The following PPFIA2 variants were observed in gnomAD, a reference collection of about 807,000 sequenced individuals.
The protein encoded by PPFIA2 is liprin-alpha-2.
In PPFIA2, 46 loss-of-function variants were observed where a neutral mutation model predicts 175.5. The ratio of observed to expected loss-of-function variants is 0.26; its 90% CI spans 0.21 to 0.34. The LOEUF (loss-of-function observed/expected upper bound fraction) is 0.34. Among genes scored for constraint, PPFIA2 ranks in the 10% least tolerant of loss-of-function variants. The pLI, the probability that PPFIA2 is intolerant of heterozygous loss-of-function variation, is 1.00. For missense variants in PPFIA2, 1,179 were observed against 1,506.1 expected (o/e 0.78, Z 3.60); for synonymous variants, 568 against 511.4 (o/e 1.11, Z -1.49).
intron 4 of PPFIA2, among the ~76,000 whole-genome samples, chr12:81,493,428 G>A (rs1327611815): frequency 6.6e-6 from 1 of 151,918 alleles, no homozygotes; most frequent in South Asian, 2.1e-4. Context: ...ACAGGGATGG[G>A]AAACACCAGA....
intron 4 of PPFIA2, among the ~76,000 whole-genome samples, chr12:81,565,353 T>C (rs1477267603): frequency 6.6e-6 from 1 of 152,194 alleles, no homozygotes; most frequent in African/African-American, 2.4e-5. Flanking sequence ...CCGTGCTGGA[T>C]GCTTCCTGCC....
intron 16 of PPFIA2, among the ~76,000 whole-genome samples, chr12:81,356,863 G>A (rs2141055756): frequency 6.6e-6 from 1 of 152,118 alleles, no homozygotes; most frequent in Non-Finnish European, 1.5e-5. Flanking sequence ...GTAAAACAAG[G>A]TATACCTGTA....
intron 4 of PPFIA2, among the ~76,000 whole-genome samples, chr12:81,480,212 C>T (rs1252786263): frequency 6.6e-6 from 1 of 151,984 alleles, no homozygotes; most frequent in Non-Finnish European, 1.5e-5. Flanking sequence ...ACTATTGATA[C>T]TTGTGTATGC....
At chr12:81,470,871 T>C (rs756798060) in intron 4 of PPFIA2, among the ~76,000 whole-genome samples, 3 of 152,144 alleles carry the variant, frequency 2.0e-5, no homozygotes, top group Non-Finnish European at 4.4e-5. Flanking sequence ...TCTTGCACAA[T>C]TGTAATTTTA....
chr12:81,479,559 A>C (rs1451390650), intron 4 of PPFIA2, among the ~76,000 whole-genome samples: 4 of 151,964 alleles, frequency 2.6e-5, no homozygotes, highest in Non-Finnish European at 4.4e-5. Flanking sequence ...GCAGTGGCTG[A>C]TACTGGTTTT....
chr12:81,465,634 AT>A (rs1446995289), intron 4 of PPFIA2, among the ~76,000 whole-genome samples: 1 of 152,138 alleles, frequency 6.6e-6, no homozygotes, highest in Admixed American at 6.6e-5. Context: ...TTTTAAATCT[AT>A]TTTTATTTGC....
intron 3 of PPFIA2, chr12:81,687,494 G>A (rs117040513): frequency 2.0e-5 from 3 of 152,090 alleles, no homozygotes; most frequent in East Asian, 1.9e-4. Context: ...CCCTCAGACC[G>A]AAGGGAGGGT....
In PPFIA2 at chr12:81,283,004, T is replaced by C. The variant is rs1457097551; in HGVS notation, c.3018+6A>G. 5.0e-6 allele frequency: 8 copies of C among 1,611,012 alleles called. 1 individual carries two copies. Among genetic ancestry groups the C allele is most frequent in the South Asian group, 3.3e-5 (3 of 90,944 alleles). ...TTAAGGGTCTTAAAGCATATGAATC[T>C]CCTACCTGGGCCCAGCTTCCTTCCT... On this transcript the variant is annotated splice_donor_region_variant and intron_variant, in intron 26 of 32. Coordinates refer to ENST00000549396, the MANE Select transcript of PPFIA2 (RefSeq NM_003625.5).
At chr12:81,618,687 C>T (rs1305380729) in intron 4 of PPFIA2, among the ~76,000 whole-genome samples, 1 of 151,706 alleles carries the variant, frequency 6.6e-6, no homozygotes, top group Non-Finnish European at 1.5e-5. Flanking sequence ...AGCCACCACG[C>T]CCAGCTAATT....
At chr12:81,488,805 C>T (rs1006730785) in intron 4 of PPFIA2, among the ~76,000 whole-genome samples, 6 of 151,576 alleles carry the variant, frequency 4.0e-5, no homozygotes, top group Non-Finnish European at 7.4e-5. Context: ...TGTCTAGTTC[C>T]CACACGAGAA....
At chr12:81,388,596 A>G (rs1677839109) in intron 8 of PPFIA2, among the ~76,000 whole-genome samples, 1 of 152,062 alleles carries the variant, frequency 6.6e-6, no homozygotes, top group African/African-American at 2.4e-5. Flanking sequence ...GGAGGCACAT[A>G]TATTTATCAA....
intron 22 of PPFIA2, among the ~76,000 whole-genome samples, chr12:81,313,898 A>C (rs1307985915): frequency 6.6e-6 from 1 of 152,060 alleles, no homozygotes; most frequent in African/African-American, 2.4e-5. Flanking sequence ...TAGAAAACTT[A>C]CACAGTATAA....
intron 7 of PPFIA2, among the ~76,000 whole-genome samples, chr12:81,406,425 G>A (rs2042947925): frequency 6.6e-6 from 1 of 151,970 alleles, no homozygotes; most frequent in South Asian, 2.1e-4. Context: ...GCTGTCATGA[G>A]CATGTATTAA....
intron 4 of PPFIA2, among the ~76,000 whole-genome samples, chr12:81,522,128 C>G (rs958283129): frequency 6.6e-6 from 1 of 152,082 alleles, no homozygotes; most frequent in African/African-American, 2.4e-5. Context: ...TATAAAAAAT[C>G]TGAAACTGGA....
At chr12:81,472,623 G>A (rs1482368933) in intron 4 of PPFIA2, 1 of 152,114 alleles carries the variant, frequency 6.6e-6, no homozygotes, top group Non-Finnish European at 1.5e-5. Flanking sequence ...ATGTAACCCT[G>A]AAATATTCTT....
intron 4 of PPFIA2, among the ~76,000 whole-genome samples, chr12:81,577,752 A>G (rs2073808040): frequency 6.6e-6 from 1 of 151,858 alleles, no homozygotes; most frequent in Non-Finnish European, 1.5e-5. Flanking sequence ...ATAGATGAAC[A>G]TAATTGGTTA....
At chr12:81,421,713 A>G (rs2046274107) in intron 7 of PPFIA2, among the ~76,000 whole-genome samples, 1 of 152,032 alleles carries the variant, frequency 6.6e-6, no homozygotes, top group African/African-American at 2.4e-5. Context: ...AATATACATG[A>G]ATTAAAATCA....
intron 4 of PPFIA2, among the ~76,000 whole-genome samples, chr12:81,650,622 A>C (rs2066891158): frequency 6.6e-6 from 1 of 152,144 alleles, no homozygotes; most frequent in Non-Finnish European, 1.5e-5. Flanking sequence ...AGGGAGGTAA[A>C]ACTAGATTGC....
chr12:81,624,546 A>G (rs1227396720), intron 4 of PPFIA2, among the ~76,000 whole-genome samples: 2 of 146,734 alleles, frequency 1.4e-5, no homozygotes, highest in Non-Finnish European at 3.0e-5. Context: ...TAACACATAT[A>G]TAACAAAATA....
Sources: gnomAD v4.1 joint callset for allele counts (sites outside exome capture counted in the v4.1 genomes callset) on GRCh38, gnomAD v4.1.1 for gene constraint, MANE v1.5 for transcripts, NCBI Gene and HGNC (gene_info 2026-07-23, HGNC 2026-07-21) for gene names.